The following STXBP6 variants were observed in gnomAD, a reference collection of about 807,000 sequenced individuals.
STXBP6 encodes the protein syntaxin-binding protein 6.
In STXBP6, 21 loss-of-function variants were observed where a neutral mutation model predicts 26.9. That is an observed-to-expected ratio of 0.78 (90% CI 0.55 to 1.12). The LOEUF is 1.12. Among genes scored for constraint, STXBP6 ranks in the 50% most tolerant of loss-of-function variants. The probability of loss-of-function intolerance (pLI) is 0.00; values close to 1 mark genes in which losing one functional copy is unlikely to be tolerated. For synonymous variants in STXBP6, 97 were observed against 92.6 expected (o/e 1.05, Z -0.27); for missense variants, 232 against 257.9 (o/e 0.90, Z 0.69).
rs1197002732 is a variant in STXBP6, at chr14:24,811,509, C to T, written c.*1200G>A. The T allele has an allele frequency of 1.3e-5, 2 of 152,074 alleles. No individual in the cohort carries two copies. Among genetic ancestry groups the T allele is most frequent in the Non-Finnish European group, 2.9e-5 (2 of 68,018 alleles). 9.4% of individuals were successfully genotyped at this position (152,074 alleles called of 1,614,324 possible). A position where few individuals can be genotyped will look rare whatever the true frequency, so the allele number is the denominator to read the frequency against. On this transcript the variant is annotated 3_prime_UTR_variant, in exon 6 of 6. Coordinates refer to ENST00000323944, the MANE Select transcript of STXBP6 (RefSeq NM_001394410.1). The stretch of plus-strand genomic sequence containing the variant: ...AACAGAACTTCTAGACCCTAAGCCC[C>T]TTATTATCTTGAGTAATAGAAAATC...
At chr14:25,047,281 A>G (rs1045449475) in intron 1 of STXBP6, among the ~76,000 whole-genome samples, 1 of 152,198 alleles carries the variant, frequency 6.6e-6, no homozygotes, top group African/African-American at 2.4e-5. Context: ...ACAGTATGAA[A>G]AGAAGGGGGA....
chr14:24,986,376 A>C (rs914622776), intron 1 of STXBP6, among the ~76,000 whole-genome samples: 1 of 152,000 alleles, frequency 6.6e-6, no homozygotes, highest in Non-Finnish European at 1.5e-5. Flanking sequence ...CTCTGTATTG[A>C]CTCCAACTGA....
chr14:24,825,411 G>A (rs753320406), intron 4 of STXBP6, among the ~76,000 whole-genome samples: 3 of 152,172 alleles, frequency 2.0e-5, no homozygotes, highest in Admixed American at 6.6e-5. Flanking sequence ...TCAAGTTGGT[G>A]GCTAATTTCA....
At chr14:24,886,298 A>G (rs1192825075) in intron 2 of STXBP6, among the ~76,000 whole-genome samples, 1 of 152,242 alleles carries the variant, frequency 6.6e-6, no homozygotes, top group African/African-American at 2.4e-5. Context: ...AGACCCAGCT[A>G]CAAGTGCCTG....
intron 2 of STXBP6, among the ~76,000 whole-genome samples, chr14:24,968,665 G>T (rs566376425): frequency 1.3e-5 from 2 of 152,020 alleles, no homozygotes; most frequent in Admixed American, 6.5e-5. Flanking sequence ...TTCCATGGGG[G>T]TTCAGATCCC....
At chr14:24,897,409 CA>C (rs34542483) in intron 2 of STXBP6, among the ~76,000 whole-genome samples, 368 of 37,562 alleles carry the variant, frequency 9.8e-3, no homozygotes, top group African/African-American at 0.024. Context: ...GACTCTGTCT[CA>C]AAAAAAAAAA....
intron 2 of STXBP6, among the ~76,000 whole-genome samples, chr14:24,873,471 G>C (rs1474354009): frequency 6.6e-6 from 1 of 152,136 alleles, no homozygotes; most frequent in Non-Finnish European, 1.5e-5. Flanking sequence ...ACTCTCTCAT[G>C]TGTCCCAATG....
chr14:24,880,989 C>T (rs2070335751), intron 2 of STXBP6, among the ~76,000 whole-genome samples: 1 of 152,222 alleles, frequency 6.6e-6, no homozygotes, highest in Admixed American at 6.5e-5. Context: ...TTTTCAGATA[C>T]TATCCTACTG....
At chr14:24,904,649 G>A (rs2071326079) in intron 2 of STXBP6, among the ~76,000 whole-genome samples, 1 of 152,146 alleles carries the variant, frequency 6.6e-6, no homozygotes, top group African/African-American at 2.4e-5. Flanking sequence ...TAAGAGGAGG[G>A]AAAGATACCA....
At chr14:25,037,100 G>A (rs2075568349) in intron 1 of STXBP6, among the ~76,000 whole-genome samples, 1 of 152,140 alleles carries the variant, frequency 6.6e-6, no homozygotes, top group Non-Finnish European at 1.5e-5. Flanking sequence ...AATGTGGCAG[G>A]ACCCTGAAAG....
At chr14:24,817,533 C>T (rs796271461) in intron 5 of STXBP6, 4 of 161,996 alleles carry the variant, frequency 2.5e-5, no homozygotes, top group African/African-American at 9.6e-5. Context: ...TCCCTTTAGC[C>T]TCCTCTACCC....
chr14:24,857,893 T>G (rs966174312), intron 2 of STXBP6, among the ~76,000 whole-genome samples: 2 of 151,998 alleles, frequency 1.3e-5, no homozygotes, highest in Non-Finnish European at 2.9e-5. Context: ...GGAGAGGCAC[T>G]CTGAATATTT....
At chr14:24,840,672 T>C (rs1024007135) in intron 4 of STXBP6, among the ~76,000 whole-genome samples, 9 of 152,238 alleles carry the variant, frequency 5.9e-5, no homozygotes, top group African/African-American at 2.2e-4. Context: ...ATTTGTCAAC[T>C]CTTCCCCACA....
chr14:24,899,420 G>A (rs1716565150), intron 2 of STXBP6, among the ~76,000 whole-genome samples: 1 of 152,072 alleles, frequency 6.6e-6, no homozygotes, highest in Non-Finnish European at 1.5e-5. Flanking sequence ...CCTTCACCAA[G>A]TAACAATTAG....
At chr14:25,036,955 A>G (rs1228723698) in intron 1 of STXBP6, among the ~76,000 whole-genome samples, 1 of 152,094 alleles carries the variant, frequency 6.6e-6, no homozygotes. Context: ...TTTACACGGA[A>G]TATACACGGA....
chr14:25,043,377 T>C (rs1361795706), intron 1 of STXBP6, among the ~76,000 whole-genome samples: 3 of 152,176 alleles, frequency 2.0e-5, no homozygotes, highest in African/African-American at 7.2e-5. Context: ...AGTTGTCTCA[T>C]CATTTTTTTT....
chr14:24,894,315 T>A (rs1241603), intron 2 of STXBP6, among the ~76,000 whole-genome samples: 100,690 of 151,984 alleles, frequency 0.66, 33,465 homozygotes, highest in East Asian at 0.76. Flanking sequence ...GAATTGGAAG[T>A]CCAAGTCTAA....
intron 2 of STXBP6, among the ~76,000 whole-genome samples, chr14:24,965,932 T>C (rs1235330297): frequency 6.6e-6 from 1 of 152,194 alleles, no homozygotes; most frequent in Non-Finnish European, 1.5e-5. Flanking sequence ...GGCTGCTGTT[T>C]AGGATGTCTG....
At chr14:24,903,284 A>T (rs1474400495) in intron 2 of STXBP6, among the ~76,000 whole-genome samples, 1 of 152,096 alleles carries the variant, frequency 6.6e-6, no homozygotes, top group African/African-American at 2.4e-5. Flanking sequence ...CATATGCTGG[A>T]TGATGTACTC....
Sources: gnomAD v4.1 joint callset for allele counts (sites outside exome capture counted in the v4.1 genomes callset) on GRCh38, gnomAD v4.1.1 for gene constraint, MANE v1.5 for transcripts, NCBI Gene and HGNC (gene_info 2026-07-23, HGNC 2026-07-21) for gene names.